The following AIM2 variants were observed in gnomAD, a reference collection of about 807,000 sequenced individuals.
AIM2 encodes the protein absent in melanoma 2.
Under a neutral mutation model 27.7 loss-of-function variants are expected in AIM2, and 30 were observed. The observed-to-expected ratio is 1.08, with a 90% CI of 0.81 to 1.47. The LOEUF (loss-of-function observed/expected upper bound fraction) is 1.47. Ranked by LOEUF, AIM2 falls within the 40% of genes most tolerant of loss-of-function variation. The pLI, the probability that AIM2 is intolerant of heterozygous loss-of-function variation, is 0.00. For synonymous variants in AIM2, 141 were observed against 145.3 expected (o/e 0.97, Z 0.21); for missense variants, 358 against 411.3 (o/e 0.87, Z 1.12).
intron 1 of AIM2, among the ~76,000 whole-genome samples, chr1:159,118,562 C>T (rs1176304927): frequency 1.3e-5 from 2 of 152,134 alleles, no homozygotes; most frequent in Non-Finnish European, 2.9e-5. Flanking sequence ...TTAAAGGGTA[C>T]TTCACCCATT....
intron 1 of AIM2, among the ~76,000 whole-genome samples, chr1:159,115,919 T>C (rs1647329526): frequency 6.6e-6 from 1 of 152,058 alleles, no homozygotes; most frequent in African/African-American, 2.4e-5. Context: ...GAGAAAATTT[T>C]TGCAATCTAC....
intron 1 of AIM2, among the ~76,000 whole-genome samples, chr1:159,146,088 G>A (rs1319675515): frequency 2.0e-5 from 3 of 150,612 alleles, no homozygotes; most frequent in Non-Finnish European, 4.4e-5. Context: ...CCTGGTGACA[G>A]AGTGAGACAC....
chr1:159,057,249 C>G, the AIM2 span, among the ~76,000 whole-genome samples: 3 of 150,340 alleles, frequency 2.0e-5, no homozygotes, highest in African/African-American at 7.3e-5. Context: ...AGCCTTGATT[C>G]CCTAGACCTA....
intron 1 of AIM2, among the ~76,000 whole-genome samples, chr1:159,082,788 A>G (rs1476438193): frequency 1.3e-5 from 2 of 152,200 alleles, no homozygotes; most frequent in Non-Finnish European, 2.9e-5. Flanking sequence ...TGGGGGTAAC[A>G]CAAACATTCA....
At position 159,073,096 on chromosome 1, in the gene AIM2, G is replaced by A. The variant is rs952676412; in HGVS notation, c.262+142C>T. On this transcript the variant is annotated intron_variant, in intron 2 of 5. Transcript: ENST00000368130. ...TTCCTAGAAGCGATTCTCAGTAAAA[G>A]GGGGCAAAGAGACAGGTGCACTAAG... 47 of 1,002,690 alleles carry A rather than the reference G, an allele frequency of 4.7e-5. No individual in the cohort carries two copies. The African/African-American group carries it at 5.9e-4, about 13-fold the overall frequency. The allele number at this position is 1,002,690 out of a possible 1,614,324, so 62.1% of individuals were successfully genotyped here. A position where few individuals can be genotyped will look rare whatever the true frequency, so the allele number is the denominator to read the frequency against.
At chr1:159,117,774 G>GAC (rs974276158) in intron 1 of AIM2, among the ~76,000 whole-genome samples, 6 of 151,348 alleles carry the variant, frequency 4.0e-5, no homozygotes, top group Non-Finnish European at 8.9e-5. Flanking sequence ...CACACACAAA[G>GAC]ACACACACAC....
At chr1:159,087,649 T>A (rs1656948710) in intron 1 of AIM2, among the ~76,000 whole-genome samples, 3 of 149,800 alleles carry the variant, frequency 2.0e-5, no homozygotes. Flanking sequence ...CTCGGCTCAC[T>A]GCAACCTCTG....
chr1:159,137,414 T>C (rs1648031743), intron 1 of AIM2, among the ~76,000 whole-genome samples: 1 of 152,152 alleles, frequency 6.6e-6, no homozygotes, highest in Non-Finnish European at 1.5e-5. Flanking sequence ...CCCAGCACTT[T>C]GGGAGGCTGA....
chr1:159,071,953 T>C (rs2101983138), intron 2 of AIM2, among the ~76,000 whole-genome samples: 1 of 152,162 alleles, frequency 6.6e-6, no homozygotes, highest in Admixed American at 6.5e-5. Flanking sequence ...CCCAGAATCA[T>C]TAGAATAGCA....
chr1:159,065,062 G>A (rs889635299), intron 4 of AIM2, among the ~76,000 whole-genome samples: 1 of 152,146 alleles, frequency 6.6e-6, no homozygotes, highest in Admixed American at 6.5e-5. Flanking sequence ...GAGGACTGGA[G>A]AGTCTTCCTA....
In AIM2 at chr1:159,073,932, A is replaced by G. The variant is rs1656483576; in HGVS notation, c.-20-413T>C. Among the ~76,000 whole-genome samples the G allele has an allele frequency of 3.3e-5, 5 of 152,066 alleles. No homozygotes were observed. The South Asian group carries it at 1.0e-3, about 31-fold the overall frequency. ...TGGGCGCCTGTAATCCCAACTACTC[A>G]GGAGGCTGAGGCAGGAGAATTATTT... On this transcript the variant is annotated intron_variant, in intron 1 of 5. Coordinates refer to ENST00000368130, the MANE Select transcript of AIM2 (RefSeq NM_004833.3).
intron 1 of AIM2, among the ~76,000 whole-genome samples, chr1:159,145,636 G>T (rs1648187641): frequency 6.6e-6 from 1 of 152,164 alleles, no homozygotes; most frequent in Non-Finnish European, 1.5e-5. Flanking sequence ...AGTAGACCCA[G>T]AACCAATCTA....
upstream of AIM2, among the ~76,000 whole-genome samples, chr1:159,079,158 T>C (rs1004826759): frequency 5.3e-5 from 8 of 151,102 alleles, no homozygotes; most frequent in Admixed American, 2.6e-4. Flanking sequence ...AAGAAATATA[T>C]ATGGTCATCA....
intron 3 of AIM2, among the ~76,000 whole-genome samples, chr1:159,068,113 C>T (rs1361910840): frequency 1.3e-5 from 2 of 152,104 alleles, no homozygotes; most frequent in Non-Finnish European, 2.9e-5. Context: ...CCTGTACAAA[C>T]CACAGACTCC....
chr1:159,070,434 G>A (rs1374360551), intron 2 of AIM2, among the ~76,000 whole-genome samples: 1 of 152,124 alleles, frequency 6.6e-6, no homozygotes, highest in East Asian at 1.9e-4. Flanking sequence ...CCACGTCTAT[G>A]GTCAGGTTAT....
At chr1:159,116,136 C>A (rs1208785904) in intron 1 of AIM2, among the ~76,000 whole-genome samples, 1 of 151,442 alleles carries the variant, frequency 6.6e-6, no homozygotes, top group Non-Finnish European at 1.5e-5. Flanking sequence ...CAATGAGATA[C>A]CATCTCACAC....
chr1:159,136,828 A>T (rs963499052), intron 1 of AIM2, among the ~76,000 whole-genome samples: 3 of 152,244 alleles, frequency 2.0e-5, no homozygotes, highest in Non-Finnish European at 4.4e-5. Context: ...TAACTAGTTT[A>T]AAAATAAGTG....
the AIM2 span, among the ~76,000 whole-genome samples, chr1:159,056,219 C>T: frequency 6.6e-6 from 1 of 152,070 alleles, no homozygotes; most frequent in Non-Finnish European, 1.5e-5. Context: ...TGTGGGCTTC[C>T]CACCTGGCAG....
intron 1 of AIM2, among the ~76,000 whole-genome samples, chr1:159,127,510 G>A (rs1647753769): frequency 6.6e-6 from 1 of 152,226 alleles, no homozygotes. Flanking sequence ...TATCAGTAAT[G>A]AAAACACAAT....
Sources: allele counts gnomAD v4.1 joint callset (sites outside exome capture counted in the v4.1 genomes callset), GRCh38; gene constraint gnomAD v4.1.1; transcripts MANE v1.5; gene names NCBI Gene and HGNC (gene_info 2026-07-23, HGNC 2026-07-21).